The following ZCCHC14 variants were observed in gnomAD, a reference collection of about 807,000 sequenced individuals.
ZCCHC14 encodes zinc finger CCHC domain-containing protein 14.
In ZCCHC14, 16 loss-of-function variants were observed where a neutral mutation model predicts 85.0. The observed-to-expected ratio is 0.19, with a 90% CI of 0.13 to 0.29. The LOEUF (loss-of-function observed/expected upper bound fraction) is 0.29. Ranked by LOEUF, ZCCHC14 falls within the 10% of genes least tolerant of loss-of-function variation. The pLI, the probability that ZCCHC14 is intolerant of heterozygous loss-of-function variation, is 1.00. For synonymous variants in ZCCHC14, 775 were observed against 630.7 expected (o/e 1.23, Z -3.43); for missense variants, 1,303 against 1,443.5 (o/e 0.90, Z 1.58).
chr16:87,447,991 G>C (rs1023858948), intron 2 of ZCCHC14, among the ~76,000 whole-genome samples: 1 of 152,116 alleles, frequency 6.6e-6, no homozygotes, highest in Non-Finnish European at 1.5e-5. Context: ...GTACAAGCAG[G>C]TATGAGTGCT....
intron 4 of ZCCHC14, among the ~76,000 whole-genome samples, chr16:87,423,455 C>T (rs1909208065): frequency 6.6e-6 from 1 of 152,206 alleles, no homozygotes; most frequent in South Asian, 2.1e-4. Context: ...TCTCTACCCA[C>T]TCAGCCACCT....
chr16:87,436,069 G>A (rs759393966), intron 2 of ZCCHC14, among the ~76,000 whole-genome samples: 1 of 152,024 alleles, frequency 6.6e-6, no homozygotes, highest in South Asian at 2.1e-4. Context: ...ATTCTCCCTG[G>A]CCACAAACAC....
At chr16:87,487,707 T>C (rs1912574287) in intron 1 of ZCCHC14, among the ~76,000 whole-genome samples, 1 of 152,200 alleles carries the variant, frequency 6.6e-6, no homozygotes, top group Non-Finnish European at 1.5e-5. Flanking sequence ...GACAAAAGTC[T>C]ACAAAAGCAA....
intron 5 of ZCCHC14, 56 bp from the exon 6 acceptor site, chr16:87,419,933 T>G (rs958673466): frequency 7.5e-6 from 11 of 1,466,876 alleles, no homozygotes; most frequent in Non-Finnish European, 1.0e-5. Context: ...TGCTGACGAA[T>G]TGAAAGAAAA....
At chr16:87,430,740 T>C (rs1336145086) in intron 3 of ZCCHC14, among the ~76,000 whole-genome samples, 1 of 150,462 alleles carries the variant, frequency 6.6e-6, no homozygotes, top group Non-Finnish European at 1.5e-5. Flanking sequence ...TAGGCTGGTC[T>C]TGAACTCCTG....
chr16:87,430,314 C>T (rs1327749274), intron 3 of ZCCHC14, among the ~76,000 whole-genome samples: 1 of 152,132 alleles, frequency 6.6e-6, no homozygotes, highest in Non-Finnish European at 1.5e-5. Flanking sequence ...CTTTGTGGCA[C>T]TCCTTCATAC....
rs529546016 is a variant in ZCCHC14, at chr16:87,469,726, G to C, written c.571-9595C>G. Among the ~76,000 whole-genome samples, 9 of 152,288 alleles carry C rather than the reference G, an allele frequency of 5.9e-5. No homozygotes were observed. In the East Asian group the frequency reaches 1.7e-3, roughly 29 times the overall value. On this transcript the variant is annotated intron_variant, in intron 1 of 12. Transcript: ENST00000671377. ...CTGTCACAGAGACTCGGAGCTCTGG[G>C]AGGATCCAGGAGGGGCACCGGCAAC...
chr16:87,452,471 G>A (rs1302079171), intron 2 of ZCCHC14, among the ~76,000 whole-genome samples: 1 of 152,114 alleles, frequency 6.6e-6, no homozygotes, highest in Admixed American at 6.5e-5. Context: ...GAACAGGCTT[G>A]GGTAAGACGG....
At chr16:87,458,056 G>A (rs1056923100) in intron 2 of ZCCHC14, among the ~76,000 whole-genome samples, 3 of 151,266 alleles carry the variant, frequency 2.0e-5, no homozygotes, top group Non-Finnish European at 4.4e-5. Context: ...ACCAAAGCAT[G>A]CAGACGAGAC....
rs778751898 is a variant in ZCCHC14 at position 87,460,018 on chromosome 16, T to A, written c.684A>T (p.Lys228Asn). The part of the protein sequence containing the change: ...EESLPKRPLG[K>N]HSKVSVEKID... ...CGTGCGTGCACTCACCTTTGCTGTG[T>A]TTTCCTAAGGGCCTCTTGGGCAGCG... Residue 228 changes from lysine to asparagine, a missense_variant, in exon 2 of 13, where the codon AAA becomes AAT. By Grantham distance (94) the Lys-to-Asn change is moderately conservative. Around this residue, in one of 7 missense-constraint regions of ZCCHC14, gnomAD observed 389 missense variants for 397.8 expected, o/e 0.98. Transcript: ENST00000671377. 6.2e-6 allele frequency: 10 copies of A among 1,614,040 alleles called. No individual in the cohort carries two copies. Among genetic ancestry groups the A allele is most frequent in the Non-Finnish European group, 8.5e-6 (10 of 1,180,018 alleles).
chr16:87,413,277 C>T (rs935456806), intron 10 of ZCCHC14, 82 bp from the exon 11 acceptor site: 118 of 1,437,140 alleles, frequency 8.2e-5, no homozygotes, highest in Admixed American at 3.1e-4. Flanking sequence ...ATCGCACTGT[C>T]GGCAGGTGCT....
intron 2 of ZCCHC14, among the ~76,000 whole-genome samples, chr16:87,449,470 A>C (rs1910592998): frequency 1.3e-5 from 2 of 152,086 alleles, no homozygotes. Flanking sequence ...TCAGCAAATC[A>C]CACAGGTGCA....
intron 3 of ZCCHC14, among the ~76,000 whole-genome samples, chr16:87,428,901 G>A (rs1015207462): frequency 2.8e-3 from 13 of 4,596 alleles, no homozygotes; most frequent in African/African-American, 9.3e-3. Context: ...TTACTGCCGG[G>A]GGTGGTATTC....
At chr16:87,426,492 G>A (rs181162209) in intron 3 of ZCCHC14, among the ~76,000 whole-genome samples, 1 of 152,372 alleles carries the variant, frequency 6.6e-6, no homozygotes, top group African/African-American at 2.4e-5. Flanking sequence ...TGTGCACACA[G>A]CCCGTGCATG....
intron 1 of ZCCHC14, among the ~76,000 whole-genome samples, chr16:87,469,088 GTC>G (rs1331356493): frequency 1.3e-5 from 2 of 152,156 alleles, no homozygotes; most frequent in African/African-American, 4.8e-5. Flanking sequence ...TAGCATTTTT[GTC>G]TGTTTTTTTG....
At position 87,411,128 on chromosome 16, in the gene ZCCHC14, G is replaced by C. The variant is rs1236839893; in HGVS notation, c.3205+388C>G. On this transcript the variant is annotated intron_variant, in intron 12 of 12. Coordinates refer to ENST00000671377, the MANE Select transcript of ZCCHC14 (RefSeq NM_015144.3). ...CCGCGCCGGCAGGGAGGGGCAGAGG[G>C]GACAGCGAGCCCCACCCCAGAGGGT... Among the ~76,000 whole-genome samples the C allele has an allele frequency of 2.6e-5, 4 of 152,384 alleles. No homozygotes were observed. In the East Asian group the frequency reaches 5.8e-4, roughly 22 times the overall value.
chr16:87,413,193 G>T lies in ZCCHC14; in HGVS notation c.1606C>A (p.Leu536Met). The change falls in exon 11 of 13, where the codon CTG (leucine) becomes ATG (methionine). Residue 536 changes from leucine to methionine, a missense_variant and splice_region_variant. This residue lies in a region of ZCCHC14 where 58 missense variants were observed against 88.2 expected (regional missense o/e 0.66). Coordinates refer to ENST00000671377, the MANE Select transcript of ZCCHC14 (RefSeq NM_015144.3). ...TGGGGCTGCTCCACTTCCACCCGCA[G>T]CTCTGCAGAAAAGGGACAGAGGAGC... ...QSGRGSHAAE[L>M]RVEVEQPHHQ... is the part of the protein sequence containing the mutation. 6.4e-7 allele frequency: 1 copy of T among 1,559,184 alleles called. No homozygotes were observed.
At chr16:87,481,698 C>A (rs1912288928) in intron 1 of ZCCHC14, among the ~76,000 whole-genome samples, 1 of 151,976 alleles carries the variant, frequency 6.6e-6, no homozygotes, top group South Asian at 2.1e-4. Flanking sequence ...GGTCATAAAC[C>A]AGCTGGAGGG....
rs866042607 is a variant in ZCCHC14 at position 87,461,280 on chromosome 16, G to A, written c.571-1149C>T. On this transcript the variant is annotated intron_variant, in intron 1 of 12. Transcript: ENST00000671377. ...AAGGGGCCCAGAGGGGCGAGAGGAG[G>A]GGGGTAGCAATAACCTTCATTCCCT... 2.3e-4 allele frequency among the ~76,000 whole-genome samples: 35 copies of A among 152,336 alleles called. No individual in the cohort carries two copies. In the Middle Eastern group the frequency reaches 0.014, roughly 59 times the overall value.
Sources: allele counts gnomAD v4.1 joint callset (sites outside exome capture counted in the v4.1 genomes callset), GRCh38; gene constraint gnomAD v4.1.1; regional missense constraint gnomAD v4.1.1; transcripts MANE v1.5; gene names NCBI Gene and HGNC (gene_info 2026-07-23, HGNC 2026-07-21).